The following SPRR2B variants were observed in gnomAD, a reference collection of about 807,000 sequenced individuals.
SPRR2B encodes the protein small proline-rich protein 2B.
SPRR2B carries 1 observed loss-of-function variant against 1.0 expected under a neutral mutation model. The observed-to-expected ratio is 1.01, with a 90% confidence interval of 0.36 to 4.77. SPRR2B has a LOEUF of 4.77. Ranked by LOEUF, SPRR2B falls within the 30% of genes most tolerant of loss-of-function variation. The probability of loss-of-function intolerance (pLI) is 0.16; values close to 1 mark genes in which losing one functional copy is unlikely to be tolerated. For synonymous variants in SPRR2B, 27 were observed against 33.4 expected, an observed-to-expected ratio of 0.81 and a Z score of 0.66; for missense variants, 53 against 88.7, an observed-to-expected ratio of 0.60 and a Z score of 1.62.
At chr1:153,078,092 G>A in the SPRR2B span, among the ~76,000 whole-genome samples, 1 of 152,052 alleles carries the variant, frequency 6.6e-6, no homozygotes, top group Non-Finnish European at 1.5e-5. Context: ...TACTTTAAAT[G>A]TAAATGAATT....
At chr1:153,076,174 C>T (rs951912685), upstream of SPRR2B, among the ~76,000 whole-genome samples, 10 of 152,118 alleles carry the variant, frequency 6.6e-5, no homozygotes, top group Non-Finnish European at 1.3e-4. Context: ...TATCACATTC[C>T]TTCTGCAGAC....
At chr1:153,077,461 C>A in the SPRR2B span, among the ~76,000 whole-genome samples, 1 of 152,020 alleles carries the variant, frequency 6.6e-6, no homozygotes, top group Non-Finnish European at 1.5e-5. Flanking sequence ...GAAATTTTAG[C>A]TTGTAACTTC....
At chr1:153,075,039 T>C (rs1432615774), upstream of SPRR2B, among the ~76,000 whole-genome samples, 2 of 152,110 alleles carry the variant, frequency 1.3e-5, no homozygotes, top group Non-Finnish European at 2.9e-5. Context: ...GCAATAACCA[T>C]ATGTATCTAT....
At chr1:153,083,657 G>A in the SPRR2B span, among the ~76,000 whole-genome samples, 3 of 152,176 alleles carry the variant, frequency 2.0e-5, no homozygotes, top group African/African-American at 7.2e-5. Flanking sequence ...CTCGTTCCTG[G>A]CCTCCAGTGA....
At chr1:153,075,745 C>T (rs1443962333), upstream of SPRR2B, among the ~76,000 whole-genome samples, 1 of 152,154 alleles carries the variant, frequency 6.6e-6, no homozygotes, top group Non-Finnish European at 1.5e-5. Context: ...CTCTTTAAGA[C>T]CTTTTATATC....
chr1:153,076,093 T>C (rs1372937468), upstream of SPRR2B, among the ~76,000 whole-genome samples: 2 of 152,180 alleles, frequency 1.3e-5, no homozygotes, highest in Non-Finnish European at 2.9e-5. Context: ...AAATATATAA[T>C]GTTACCTCTA....
At chr1:153,071,832 A>G (rs1195029950), upstream of SPRR2B, among the ~76,000 whole-genome samples, 1 of 152,156 alleles carries the variant, frequency 6.6e-6, no homozygotes, top group Non-Finnish European at 1.5e-5. Context: ...GGATTCTCTA[A>G]CTGGTGGTCA....
At chr1:153,085,731 T>C in the SPRR2B span, among the ~76,000 whole-genome samples, 1 of 152,078 alleles carries the variant, frequency 6.6e-6, no homozygotes, top group Admixed American at 6.6e-5. Context: ...CACATAATCA[T>C]CAGATTCTTC....
chr1:153,070,317 A>C lies in SPRR2B; in HGVS notation c.*304T>G. On this transcript the variant is annotated 3_prime_UTR_variant, in exon 2 of 2. Coordinates refer to ENST00000368755, the MANE Select transcript of SPRR2B (RefSeq NM_001388198.1). ...ATGCCCAGGTGAAAGACAGACACAG[A>C]ACACATCAACAGAATTCTCTGATGG... The C allele has an allele frequency of 1.9e-6, 1 of 539,362 alleles. No homozygotes were observed. The highest frequency in any genetic ancestry group is 3.2e-6 in the Non-Finnish European group (1 of 311,068). 33.4% of individuals were successfully genotyped at this position (539,362 alleles called of 1,614,324 possible).
the SPRR2B span, among the ~76,000 whole-genome samples, chr1:153,084,730 G>A: frequency 6.6e-6 from 1 of 152,068 alleles, no homozygotes; most frequent in African/African-American, 2.4e-5. Flanking sequence ...AAACAAGAAT[G>A]GACCCCACTG....
At chr1:153,087,237 G>A in the SPRR2B span, among the ~76,000 whole-genome samples, 30 of 152,032 alleles carry the variant, frequency 2.0e-4, no homozygotes, top group African/African-American at 5.5e-4. Flanking sequence ...TCGAGATCAC[G>A]CTACTGCAAT....
chr1:153,084,542 C>A, the SPRR2B span, among the ~76,000 whole-genome samples: 1 of 152,254 alleles, frequency 6.6e-6, no homozygotes. Flanking sequence ...ATACCAACAA[C>A]ACTACAAGTG....
At chr1:153,082,731 A>G in the SPRR2B span, among the ~76,000 whole-genome samples, 1 of 152,178 alleles carries the variant, frequency 6.6e-6, no homozygotes, top group South Asian at 2.1e-4. Context: ...GGAAATTTAT[A>G]GCCATAACCA....
At chr1:153,085,376 G>A in the SPRR2B span, among the ~76,000 whole-genome samples, 4 of 152,138 alleles carry the variant, frequency 2.6e-5, no homozygotes, top group Non-Finnish European at 4.4e-5. Context: ...TTCATTTTTT[G>A]TTATGTCATA....
chr1:153,083,840 G>T, the SPRR2B span, among the ~76,000 whole-genome samples: 1 of 152,238 alleles, frequency 6.6e-6, no homozygotes, highest in Admixed American at 6.5e-5. Context: ...AACCCAAGGG[G>T]TTTGGTAAGG....
At chr1:153,085,154 G>C in the SPRR2B span, among the ~76,000 whole-genome samples, 1 of 152,162 alleles carries the variant, frequency 6.6e-6, no homozygotes, top group African/African-American at 2.4e-5. Context: ...AGCCTCTCTA[G>C]CAAGGGTTCT....
chr1:153,072,448 C>T (rs1226715421), upstream of SPRR2B, among the ~76,000 whole-genome samples: 1 of 152,134 alleles, frequency 6.6e-6, no homozygotes, highest in East Asian at 1.9e-4. Context: ...ATGTATTGAA[C>T]CATGCCTATA....
At chr1:153,083,737 G>T in the SPRR2B span, among the ~76,000 whole-genome samples, 1 of 152,226 alleles carries the variant, frequency 6.6e-6, no homozygotes, top group South Asian at 2.1e-4. Flanking sequence ...TGGAATTCCA[G>T]CAGGAGAAGA....
Sources: gnomAD v4.1 joint callset for allele counts (sites outside exome capture counted in the v4.1 genomes callset) on GRCh38, gnomAD v4.1.1 for gene constraint, MANE v1.5 for transcripts, NCBI Gene and HGNC (gene_info 2026-07-23, HGNC 2026-07-21) for gene names.